The following LRRC7 variants were observed in gnomAD, a reference collection of about 807,000 sequenced individuals.
LRRC7 encodes the protein leucine rich repeat containing 7.
In LRRC7, 23 loss-of-function variants were observed where a neutral mutation model predicts 175.7. That is an observed-to-expected ratio of 0.13 (90% CI 0.09 to 0.19). The LOEUF (loss-of-function observed/expected upper bound fraction) is 0.19, where lower values mean the gene tolerates loss of function less well. Ranked by LOEUF, LRRC7 falls within the 10% of genes least tolerant of loss-of-function variation. The pLI, the probability that LRRC7 is intolerant of heterozygous loss-of-function variation, is 1.00. For synonymous variants in LRRC7, 685 were observed against 680.9 expected, an observed-to-expected ratio of 1.01 and a Z score of -0.09; for missense variants, 1,354 against 1,904.7, an observed-to-expected ratio of 0.71 and a Z score of 5.38.
At position 69,838,210 on chromosome 1, in the gene LRRC7, A is replaced by T. The variant is rs1357205736; in HGVS notation, c.591-17A>T. 3 of 1,600,062 alleles carry T rather than the reference A, an allele frequency of 1.9e-6. No individual in the cohort carries two copies. The Admixed American group carries it at 5.0e-5, about 27-fold the overall frequency. ...ACAGACATACTAAGAGGAAATTTTT[A>T]AAATTCATTTCTGTAGACTTGTCAA... On this transcript the variant is annotated splice_polypyrimidine_tract_variant and intron_variant, in intron 6 of 26. Coordinates refer to ENST00000651989, the MANE Select transcript of LRRC7 (RefSeq NM_001370785.2).
At chr1:69,654,618 A>G (rs1219475561) in intron 1 of LRRC7, among the ~76,000 whole-genome samples, 1 of 152,054 alleles carries the variant, frequency 6.6e-6, no homozygotes, top group African/African-American at 2.4e-5. Flanking sequence ...CAATGTTATT[A>G]CTCTAAATTT....
At chr1:69,582,871 T>A (rs979397725) in intron 1 of LRRC7, among the ~76,000 whole-genome samples, 2 of 152,106 alleles carry the variant, frequency 1.3e-5, no homozygotes, top group Non-Finnish European at 2.9e-5. Flanking sequence ...ATGTTTTGAT[T>A]TTTTTCTGCT....
intron 4 of LRRC7, among the ~76,000 whole-genome samples, chr1:69,802,128 T>C (rs1676585915): frequency 6.6e-6 from 1 of 151,610 alleles, no homozygotes; most frequent in East Asian, 1.9e-4. Flanking sequence ...ACTTGTTTTA[T>C]GGCCTGTCAT....
At chr1:69,810,055 A>G (rs1262416961) in intron 4 of LRRC7, among the ~76,000 whole-genome samples, 1 of 152,212 alleles carries the variant, frequency 6.6e-6, no homozygotes, top group Non-Finnish European at 1.5e-5. Flanking sequence ...CCTTAAGCTT[A>G]CAAGCAACTT....
At position 69,865,151 on chromosome 1, in the gene LRRC7, A is replaced by C. The variant is rs74908142; in HGVS notation, c.647+26868A>C. Among the ~76,000 whole-genome samples the C allele has an allele frequency of 2.4e-4, 37 of 152,222 alleles. No homozygotes were observed. The East Asian group carries it at 7.0e-3, about 29-fold the overall frequency. ...ACCCGCAATGAACCTAGAGAAAACA[A>C]CTTTCCTTGCTTGAAAAGGGTAACT... On this transcript the variant is annotated intron_variant, in intron 7 of 26. Coordinates refer to ENST00000651989, the MANE Select transcript of LRRC7 (RefSeq NM_001370785.2).
At chr1:69,913,815 A>G (rs149005478) in intron 7 of LRRC7, among the ~76,000 whole-genome samples, 29 of 152,288 alleles carry the variant, frequency 1.9e-4, no homozygotes, top group African/African-American at 6.7e-4. Context: ...GCTCAGCCTG[A>G]GTTTGCATTT....
chr1:70,078,798 G>A (rs756108751), intron 24 of LRRC7, among the ~76,000 whole-genome samples: 9 of 101,274 alleles, frequency 8.9e-5, no homozygotes, highest in Middle Eastern at 5.2e-3. Flanking sequence ...ATATACGCGC[G>A]CGCGCGCGCG....
intron 3 of LRRC7, among the ~76,000 whole-genome samples, chr1:69,783,891 AAAAT>A (rs980743960): frequency 1.7e-4 from 26 of 152,312 alleles, no homozygotes; most frequent in Admixed American, 7.2e-4. Context: ...ATTTAGAAGA[AAAAT>A]AAATAATTTT....
chr1:69,839,417 A>G (rs1181171700), intron 7 of LRRC7, among the ~76,000 whole-genome samples: 4 of 152,150 alleles, frequency 2.6e-5, no homozygotes, highest in Non-Finnish European at 5.9e-5. Context: ...CTTTTGAATT[A>G]TGCCTTTCTC....
At chr1:70,037,656 C>T (rs1659435958) in intron 20 of LRRC7, among the ~76,000 whole-genome samples, 1 of 152,150 alleles carries the variant, frequency 6.6e-6, no homozygotes, top group African/African-American at 2.4e-5. Flanking sequence ...TCAGAATCTC[C>T]AGGAATGGGT....
chr1:69,680,876 T>C (rs1266768139), intron 2 of LRRC7, among the ~76,000 whole-genome samples: 1 of 151,980 alleles, frequency 6.6e-6, no homozygotes, highest in Non-Finnish European at 1.5e-5. Context: ...ATTTTAAGAA[T>C]TAAGGGAGAT....
chr1:69,791,188 C>G (rs1046676721), intron 3 of LRRC7, among the ~76,000 whole-genome samples: 1 of 151,948 alleles, frequency 6.6e-6, no homozygotes, highest in Non-Finnish European at 1.5e-5. Context: ...TCATATCTGG[C>G]AGGAGTCAAG....
intron 3 of LRRC7, among the ~76,000 whole-genome samples, chr1:69,774,543 C>G (rs1442483731): frequency 2.6e-5 from 4 of 152,138 alleles, no homozygotes; most frequent in Non-Finnish European, 5.9e-5. Flanking sequence ...ACTCTTGCCA[C>G]AGAAACAAAG....
chr1:69,962,792 TA>T (rs1339381333), intron 8 of LRRC7, among the ~76,000 whole-genome samples: 26 of 151,856 alleles, frequency 1.7e-4, no homozygotes, highest in Admixed American at 1.3e-3. Flanking sequence ...CATGGACAGA[TA>T]GGGGGAACAA....
intron 1 of LRRC7, among the ~76,000 whole-genome samples, chr1:69,606,355 C>A (rs546775445): frequency 6.6e-6 from 1 of 152,012 alleles, no homozygotes; most frequent in African/African-American, 2.4e-5. Flanking sequence ...GATTCACAAG[C>A]AACTTAGGAT....
chr1:69,625,262 A>G (rs1651295430), intron 1 of LRRC7, among the ~76,000 whole-genome samples: 1 of 151,166 alleles, frequency 6.6e-6, no homozygotes, highest in Admixed American at 6.6e-5. Context: ...CAAATATGTG[A>G]GCATAAACTT....
intron 2 of LRRC7, among the ~76,000 whole-genome samples, chr1:69,752,664 G>A (rs973459070): frequency 2.0e-5 from 3 of 152,084 alleles, no homozygotes; most frequent in African/African-American, 4.8e-5. Context: ...GTTCAAATGC[G>A]TTTGACTCTG....
chr1:70,080,940 G>T (rs1006607851), intron 24 of LRRC7, among the ~76,000 whole-genome samples: 5 of 152,190 alleles, frequency 3.3e-5, no homozygotes, highest in African/African-American at 1.2e-4. Context: ...CAGTGTAACT[G>T]AAGAAGCTTA....
At chr1:69,642,495 T>C (rs1033675372) in intron 1 of LRRC7, among the ~76,000 whole-genome samples, 4 of 152,104 alleles carry the variant, frequency 2.6e-5, no homozygotes, top group Non-Finnish European at 5.9e-5. Context: ...AATAACTTAC[T>C]TTTTAGGCAG....
Sources: gnomAD v4.1 joint callset for allele counts (sites outside exome capture counted in the v4.1 genomes callset) on GRCh38, gnomAD v4.1.1 for gene constraint, MANE v1.5 for transcripts, NCBI Gene and HGNC (gene_info 2026-07-23, HGNC 2026-07-21) for gene names.